Variants in MARCHF4 observed in about 807,000 individuals in gnomAD.
MARCHF4 encodes membrane associated ring-CH-type finger 4.
A neutral mutation model predicts 43.9 loss-of-function variants in MARCHF4; 14 were observed. That is an observed-to-expected ratio of 0.32 (90% CI 0.21 to 0.50). The LOEUF (loss-of-function observed/expected upper bound fraction) is 0.50. Ranked by LOEUF, MARCHF4 falls within the 20% of genes least tolerant of loss-of-function variation. The pLI is 0.98. For synonymous variants in MARCHF4, 226 were observed against 213.3 expected (o/e 1.06, Z -0.52); for missense variants, 468 against 536.7 (o/e 0.87, Z 1.27).
chr2:216,330,248 T>C (rs1017123977), intron 1 of MARCHF4, among the ~76,000 whole-genome samples: 9 of 152,336 alleles, frequency 5.9e-5, no homozygotes, highest in Non-Finnish European at 1.2e-4. Context: ...GATAGTGTGA[T>C]AGTGTGGTCA....
chr2:216,261,848 G>C (rs1039643462), intron 3 of MARCHF4, among the ~76,000 whole-genome samples: 2 of 152,180 alleles, frequency 1.3e-5, no homozygotes, highest in Admixed American at 6.5e-5. Flanking sequence ...TGGAGATAGG[G>C]CCAATGAATG....
intron 1 of MARCHF4, among the ~76,000 whole-genome samples, chr2:216,298,285 T>TTA (rs1574467750): frequency 1.1e-5 from 1 of 92,744 alleles, no homozygotes; most frequent in Non-Finnish European, 2.1e-5. Flanking sequence ...TTTTTTTTTT[T>TTA]ACAGGGTCTG....
Position 216,289,808 on chromosome 2 carries a change from A to T in MARCHF4, c.517-6079T>A, listed in dbSNP as rs558978566. Among the ~76,000 whole-genome samples, 3 of 152,324 alleles carry T rather than the reference A, an allele frequency of 2.0e-5. No individual in the cohort carries two copies. The East Asian group carries it at 5.8e-4, about 29-fold the overall frequency. On this transcript the variant is annotated intron_variant, in intron 1 of 3. Transcript: ENST00000273067. ...GTTTGGAAATCAGAGAGAATAGAAA[A>T]AGGAGACAATAGGAACACCAGCCTT... is the stretch of plus-strand genomic sequence containing the variant.
intron 3 of MARCHF4, 104 bp downstream of exon 3, chr2:216,277,568 G>A: frequency 8.9e-6 from 11 of 1,231,406 alleles, no homozygotes; most frequent in South Asian, 3.1e-5. Context: ...CAAGCCTGGG[G>A]CCATATCTGC....
chr2:216,318,192 T>A (rs1281103289), intron 1 of MARCHF4: 1 of 152,234 alleles, frequency 6.6e-6, no homozygotes, highest in Non-Finnish European at 1.5e-5. Context: ...GCACAGGTCA[T>A]CCTTAAATGA....
At chr2:216,296,521 A>C (rs904560508) in intron 1 of MARCHF4, among the ~76,000 whole-genome samples, 4 of 152,092 alleles carry the variant, frequency 2.6e-5, no homozygotes, top group Non-Finnish European at 5.9e-5. Context: ...CCTGGCTTTC[A>C]GGTAGGGCTG....
At chr2:216,292,538 G>A (rs752087728) in intron 1 of MARCHF4, among the ~76,000 whole-genome samples, 3 of 152,178 alleles carry the variant, frequency 2.0e-5, no homozygotes, top group East Asian at 1.9e-4. Context: ...TCCAGTGTCC[G>A]TATTAGATCA....
chr2:216,304,189 A>G (rs80060021), intron 1 of MARCHF4, among the ~76,000 whole-genome samples: 10,453 of 152,252 alleles, frequency 0.069, 1,182 homozygotes, highest in African/African-American at 0.24. Context: ...TTCCTCATGC[A>G]TCTTAACTTT....
chr2:216,342,543 C>A (rs1334380898), intron 1 of MARCHF4, among the ~76,000 whole-genome samples: 1 of 152,000 alleles, frequency 6.6e-6, no homozygotes, highest in African/African-American at 2.4e-5. Context: ...CTGAGATGGG[C>A]CTAGGATGCC....
At chr2:216,322,804 G>A (rs1017834846) in intron 1 of MARCHF4, among the ~76,000 whole-genome samples, 1 of 152,146 alleles carries the variant, frequency 6.6e-6, no homozygotes, top group African/African-American at 2.4e-5. Flanking sequence ...TCACCTGGGC[G>A]ACAGAGCGAG....
intron 1 of MARCHF4, among the ~76,000 whole-genome samples, chr2:216,326,289 A>G (rs1430188328): frequency 2.0e-5 from 3 of 151,546 alleles, no homozygotes; most frequent in Non-Finnish European, 4.4e-5. Context: ...TAGAATGGCG[A>G]TCATTAAAAA....
intron 1 of MARCHF4, among the ~76,000 whole-genome samples, chr2:216,334,144 G>A (rs577681227): frequency 6.4e-4 from 97 of 152,182 alleles, no homozygotes; most frequent in Non-Finnish European, 9.1e-4. Context: ...CATCCAGGTG[G>A]ATCTGATCTA....
rs1574486742 is a variant in MARCHF4, at chr2:216,354,959, CTTTCTTTCTTTCTTT to C, written c.516+14771_516+14785del. ...TCTTTCTTTCTTTCTTTCTTTCTTT[CTTTCTTTCTTTCTTT>C]CTTTCTTTCTTTTTTGAGACAGAGT... On this transcript the variant is annotated intron_variant, in intron 1 of 3. Coordinates refer to ENST00000273067, the MANE Select transcript of MARCHF4 (RefSeq NM_020814.3). Among the ~76,000 whole-genome samples the C allele has an allele frequency of 3.0e-5, 4 of 135,326 alleles. No homozygotes were observed. The East Asian group carries it at 6.7e-4, about 23-fold the overall frequency. The allele number at this position is 135,326 out of a possible 152,430, so 88.8% of individuals were successfully genotyped here.
intron 3 of MARCHF4, among the ~76,000 whole-genome samples, chr2:216,266,322 G>C (rs1430304308): frequency 1.3e-5 from 2 of 152,072 alleles, no homozygotes; most frequent in African/African-American, 4.8e-5. Context: ...GCCAATACCT[G>C]GTACTGTGCC....
chr2:216,326,002 C>G, intron 1 of MARCHF4, among the ~76,000 whole-genome samples: 4 of 144,534 alleles, frequency 2.8e-5, no homozygotes, highest in Admixed American at 7.0e-5. Context: ...GCAAAAGAAA[C>G]TACCATCAGA....
chr2:216,367,036 T>C (rs911881351), intron 1 of MARCHF4, among the ~76,000 whole-genome samples: 9 of 152,182 alleles, frequency 5.9e-5, no homozygotes, highest in Non-Finnish European at 8.8e-5. Flanking sequence ...ACCACAAATA[T>C]TGCAAGCTGT....
At chr2:216,318,339 CGG>C (rs1691817580) in intron 1 of MARCHF4, among the ~76,000 whole-genome samples, 1 of 152,184 alleles carries the variant, frequency 6.6e-6, no homozygotes, top group Non-Finnish European at 1.5e-5. Context: ...CTGTAGGGGA[CGG>C]GGATGTAGCA....
At chr2:216,334,992 C>A (rs1692136986) in intron 1 of MARCHF4, among the ~76,000 whole-genome samples, 1 of 152,180 alleles carries the variant, frequency 6.6e-6, no homozygotes, top group Non-Finnish European at 1.5e-5. Flanking sequence ...GTTCAAATGG[C>A]TATGTGCTAC....
At chr2:216,362,181 AG>A (rs1218445675) in intron 1 of MARCHF4, among the ~76,000 whole-genome samples, 1 of 152,216 alleles carries the variant, frequency 6.6e-6, no homozygotes. Context: ...TATGATTACC[AG>A]GACAAGAATC....
Sources: allele counts gnomAD v4.1 joint callset (sites outside exome capture counted in the v4.1 genomes callset), GRCh38; gene constraint gnomAD v4.1.1; transcripts MANE v1.5; gene names NCBI Gene and HGNC (gene_info 2026-07-23, HGNC 2026-07-21).